MYCBP2: variants seen among roughly 807,000 people sequenced by gnomAD.
The protein encoded by MYCBP2 is MYC binding protein 2, also known as E3 ubiquitin-protein ligase MYCBP2.
A neutral mutation model predicts 525.3 loss-of-function variants in MYCBP2; 120 were observed. The ratio of observed to expected loss-of-function variants is 0.23; its 90% CI spans 0.20 to 0.27. The LOEUF is 0.27. Ranked by LOEUF, MYCBP2 falls within the 10% of genes least tolerant of loss-of-function variation. The probability of loss-of-function intolerance (pLI) is 1.00; values close to 1 mark genes in which losing one functional copy is unlikely to be tolerated. For missense variants in MYCBP2, 4,149 were observed against 5,657.1 expected (o/e 0.73, Z 8.55); for synonymous variants, 1,894 against 1,955.8 (o/e 0.97, Z 0.83).
At chr13:77,316,109 G>C (rs2154379312) in intron 1 of MYCBP2, among the ~76,000 whole-genome samples, 1 of 152,134 alleles carries the variant, frequency 6.6e-6, no homozygotes, top group South Asian at 2.1e-4. Flanking sequence ...AGTAGGGGCT[G>C]AGGGGTAGGA....
chr13:77,067,633 T>C lies in MYCBP2; in HGVS notation c.12403A>G (p.Thr4135Ala). The C allele has an allele frequency of 1.2e-6, 2 of 1,614,222 alleles. No individual in the cohort carries two copies. The highest frequency in any genetic ancestry group is 1.7e-6 in the Non-Finnish European group (2 of 1,180,026). Residue 4135 changes from threonine (T) to alanine (A), a missense_variant, in exon 71 of 83, where the codon ACT becomes GCT. Physicochemically the swap from Thr to Ala is moderately conservative, Grantham distance 58. Transcript: ENST00000544440. ...GTTITGTAGT[T>A]VGKGVTTVTL... ...ACTGTTGTAACTCCTTTGCCCACAG[T>C]GGTACCAGCTGTTCCAGTGATGGTG... is the stretch of plus-strand genomic sequence containing the variant.
intron 1 of MYCBP2, among the ~76,000 whole-genome samples, chr13:77,318,489 C>T (rs2081221745): frequency 6.6e-6 from 1 of 152,212 alleles, no homozygotes; most frequent in Admixed American, 6.5e-5. Context: ...GGCGCAGTGG[C>T]TCACGCCTGT....
intron 79 of MYCBP2, among the ~76,000 whole-genome samples, chr13:77,056,740 A>G (rs1295284614): frequency 6.6e-6 from 1 of 152,228 alleles, no homozygotes; most frequent in East Asian, 1.9e-4. Flanking sequence ...ATGCATCACG[A>G]TGTTTAAATG....
chr13:77,217,287 A>G (rs2064955995), intron 21 of MYCBP2, among the ~76,000 whole-genome samples: 1 of 152,230 alleles, frequency 6.6e-6, no homozygotes, highest in African/African-American at 2.4e-5. Flanking sequence ...CTTGATATCT[A>G]CTATGCCCAA....
chr13:77,095,456 A>G lies in MYCBP2; in HGVS notation c.10101T>C (p.Pro3367=). Residue 3367 remains proline, a synonymous_variant, in exon 58 of 83, where the codon CCT becomes CCC. Transcript: ENST00000544440. ...GCAACTGAGATTGGAATGGCTTTGCAGGATGGTAACACAGAATGCTCGGTT... is the reference window on the plus strand; with the variant it reads ...GCAACTGAGATTGGAATGGCTTTGCGGGATGGTAACACAGAATGCTCGGTT... ...AAEPSILCYH[P]AKPFQSQLPS... is the part of the protein sequence containing the mutation. 6.2e-7 allele frequency: 1 copy of G among 1,613,586 alleles called. No homozygotes were observed. The highest frequency in any genetic ancestry group is 8.5e-7 in the Non-Finnish European group (1 of 1,179,694).
At chr13:77,071,401 T>G (rs2041262130) in intron 68 of MYCBP2, among the ~76,000 whole-genome samples, 1 of 152,154 alleles carries the variant, frequency 6.6e-6, no homozygotes, top group Admixed American at 6.5e-5. Flanking sequence ...GAAACTCTTT[T>G]GTTTAAGAAT....
intron 52 of MYCBP2, among the ~76,000 whole-genome samples, chr13:77,127,481 T>C (rs944093877): frequency 6.6e-6 from 1 of 151,934 alleles, no homozygotes; most frequent in African/African-American, 2.4e-5. Context: ...TCATTACTCC[T>C]TTAAAAGAGA....
intron 23 of MYCBP2, among the ~76,000 whole-genome samples, chr13:77,208,035 A>G (rs1242846740): frequency 1.3e-5 from 2 of 151,826 alleles, no homozygotes; most frequent in Non-Finnish European, 2.9e-5. Context: ...TCCAAATACA[A>G]AATTCACTGT....
At chr13:77,319,940 G>A in intron 1 of MYCBP2, among the ~76,000 whole-genome samples, 1 of 152,262 alleles carries the variant, frequency 6.6e-6, no homozygotes, top group South Asian at 2.1e-4. Flanking sequence ...GTGCACACCG[G>A]AAGTTTATTG....
In MYCBP2 at chr13:77,211,184, T is replaced by C. The variant is rs2063960679; in HGVS notation, c.3399A>G (p.Val1133=). The change falls in exon 23 of 83, where the codon GTA becomes GTG. Residue 1133 remains valine, a synonymous_variant. Transcript: ENST00000544440. The part of the protein sequence containing the change: ...LQGFGVCLDP[V]YDVIWRFRPN... ...ATGCTTACCTCCAAATTACATCATA[T>C]ACAGGATCAAGACACACACCAAATC... The C allele has an allele frequency of 1.3e-6, 2 of 1,488,092 alleles. No individual in the cohort carries two copies. Among genetic ancestry groups the C allele is most frequent in the Non-Finnish European group, 1.8e-6 (2 of 1,116,704 alleles). The allele number at this position is 1,488,092 out of a possible 1,614,324, so 92.2% of individuals were successfully genotyped here. A position where few individuals can be genotyped will look rare whatever the true frequency, so the allele number is the denominator to read the frequency against.
intron 2 of MYCBP2, 44 bp from the exon 3 acceptor site, chr13:77,288,420 T>C (rs760455228): frequency 4.7e-6 from 7 of 1,493,358 alleles, no homozygotes; most frequent in African/African-American, 4.2e-5. Context: ...CTCTTTTCTA[T>C]CATCAAGTCC....
Position 77,278,458 on chromosome 13 carries a change from C to T in MYCBP2, c.748+300G>A, listed in dbSNP as rs182406248. On this transcript the variant is annotated intron_variant, in intron 4 of 82. Coordinates refer to ENST00000544440, the MANE Select transcript of MYCBP2 (RefSeq NM_015057.5). ...CTAGAACTTATACCCCTGCTGTTTC[C>T]GTACCACAATTAAATAAAGACTGCA... Among the ~76,000 whole-genome samples the T allele has an allele frequency of 1.1e-3, 172 of 152,220 alleles. 1 individual carries two copies. The highest frequency in any genetic ancestry group is 4.0e-3 in the African/African-American group (166 of 41,542).
At chr13:77,049,711 C>A (rs1454456448) in intron 82 of MYCBP2, among the ~76,000 whole-genome samples, 1 of 152,154 alleles carries the variant, frequency 6.6e-6, no homozygotes, top group Non-Finnish European at 1.5e-5. Flanking sequence ...TCTTGGCTCA[C>A]TGCAACCTCC....
At chr13:77,069,248 A>T (rs150644522) in intron 69 of MYCBP2, among the ~76,000 whole-genome samples, 6 of 152,352 alleles carry the variant, frequency 3.9e-5, no homozygotes, top group African/African-American at 1.4e-4. Flanking sequence ...GAAAGCATCT[A>T]AGATTCAATG....
chr13:77,215,597 C>G (rs1374894390), intron 21 of MYCBP2, among the ~76,000 whole-genome samples: 1 of 152,114 alleles, frequency 6.6e-6, no homozygotes, highest in African/African-American at 2.4e-5. Flanking sequence ...CTTTTTCTTT[C>G]TTTTTGAGAC....
intron 17 of MYCBP2, among the ~76,000 whole-genome samples, chr13:77,242,177 G>A (rs955860645): frequency 6.6e-6 from 1 of 152,110 alleles, no homozygotes; most frequent in Admixed American, 6.5e-5. Flanking sequence ...GCAGTGGTGC[G>A]ATCATGGCTC....
In MYCBP2 at chr13:77,061,026, T is replaced by A. The variant is rs186025268; in HGVS notation, c.13036+143A>T. 458 of 942,742 alleles carry A rather than the reference T, an allele frequency of 4.9e-4. 2 individuals carry two copies. In the Middle Eastern group the frequency reaches 0.011, roughly 23 times the overall value. The allele number at this position is 942,742 out of a possible 1,614,324, so 58.4% of individuals were successfully genotyped here. Reference sequence around the variant, plus strand: ...GCTCTCTTCACCATAGAACACTCTATATATTTAGTAAATATATAGATCAAT... The same window carrying A: ...GCTCTCTTCACCATAGAACACTCTAAATATTTAGTAAATATATAGATCAAT... On this transcript the variant is annotated intron_variant, in intron 76 of 82. Transcript: ENST00000544440.
Position 77,225,527 on chromosome 13 carries a change from T to A in MYCBP2, c.2765A>T (p.Asp922Val). 1 of 1,613,700 alleles carries A rather than the reference T, an allele frequency of 6.2e-7. No individual in the cohort carries two copies. Among genetic ancestry groups the A allele is most frequent in the Non-Finnish European group, 8.5e-7 (1 of 1,179,692 alleles). ...AGGGTATGTTGTGATTTTGCTTGCATCCTTTTCGCCTCTTTCTCCACTTCC... is the reference window on the plus strand; with the variant it reads ...AGGGTATGTTGTGATTTTGCTTGCAACCTTTTCGCCTCTTTCTCCACTTCC... ...KDGSGERGEKDASKITTYPPG... is the reference protein window; with the variant it reads ...KDGSGERGEKVASKITTYPPG... Residue 922 changes from aspartate to valine, a missense_variant, in exon 19 of 83, where the codon GAT becomes GTT. Physicochemically the swap from Asp to Val is radical, Grantham distance 152. This residue lies in a region of MYCBP2 where 620 missense variants were observed against 795.5 expected (regional missense o/e 0.78). Transcript: ENST00000544440.
chr13:77,317,010 C>G (rs551231087), intron 1 of MYCBP2, among the ~76,000 whole-genome samples: 1 of 151,664 alleles, frequency 6.6e-6, no homozygotes, highest in African/African-American at 2.4e-5. Flanking sequence ...AGTGCAGTGG[C>G]GCAATCTCGG....
Sources: gnomAD v4.1 joint callset for allele counts (sites outside exome capture counted in the v4.1 genomes callset) on GRCh38, gnomAD v4.1.1 for gene constraint, gnomAD v4.1.1 regional missense constraint, MANE v1.5 for transcripts, NCBI Gene and HGNC (gene_info 2026-07-23, HGNC 2026-07-21) for gene names.